The following NHS variants were observed in gnomAD, a reference collection of about 807,000 sequenced individuals.
NHS encodes NHS actin remodeling regulator.
A neutral mutation model predicts 72.5 loss-of-function variants in NHS; 5 were observed. The ratio of observed to expected loss-of-function variants is 0.07; its 90% CI spans 0.04 to 0.14. The LOEUF is 0.14. Ranked by LOEUF, NHS falls within the 10% of genes least tolerant of loss-of-function variation. The pLI is 1.00. For synonymous variants in NHS, 464 were observed against 547.7 expected (o/e 0.85, Z 2.13); for missense variants, 1,072 against 1,355.7 (o/e 0.79, Z 3.29).
intron 1 of NHS, among the ~76,000 whole-genome samples, chrX:17,383,872 A>G (rs923839029): frequency 8.9e-6 from 1 of 112,193 alleles, no homozygotes; most frequent in African/African-American, 3.2e-5. Context: ...TTCAGCAGTG[A>G]GAAGGGTAAC....
chrX:17,599,875 T>C (rs2065641039), intron 1 of NHS, among the ~76,000 whole-genome samples: 1 of 110,976 alleles, frequency 9.0e-6, no homozygotes, highest in Non-Finnish European at 1.9e-5. Context: ...GGGGCTCCTA[T>C]TTAAATGTCC....
chrX:17,550,003 T>C (rs2065323404), intron 1 of NHS, among the ~76,000 whole-genome samples: 1 of 111,762 alleles, frequency 8.9e-6, no homozygotes, highest in Admixed American at 9.5e-5. Context: ...ATGCAGGGCA[T>C]TTAAACTGCT....
intron 1 of NHS, among the ~76,000 whole-genome samples, chrX:17,670,999 C>G (rs1476553935): frequency 3.6e-5 from 4 of 111,681 alleles, no homozygotes; most frequent in African/African-American, 1.3e-4. Flanking sequence ...GAAGGGTGCC[C>G]GAAGGCCAGA....
intron 1 of NHS, among the ~76,000 whole-genome samples, chrX:17,565,088 G>A (rs1017262890): frequency 6.3e-5 from 7 of 110,401 alleles, no homozygotes; most frequent in Admixed American, 9.6e-5. Context: ...AGAATGTGGC[G>A]GAAGTGGTGG....
chrX:17,573,003 G>A (rs913208401), intron 1 of NHS, among the ~76,000 whole-genome samples: 2 of 111,731 alleles, frequency 1.8e-5, no homozygotes, highest in South Asian at 3.7e-4. Context: ...GTTGAATATC[G>A]GCCCCCACTC....
At chrX:17,657,089 C>T (rs1176816618) in intron 1 of NHS, among the ~76,000 whole-genome samples, 2 of 112,769 alleles carry the variant, frequency 1.8e-5, no homozygotes, top group Non-Finnish European at 3.8e-5. Context: ...CTCTCTGGCG[C>T]ACCTGTCCCC....
At chrX:17,609,485 G>C (rs1464319457) in intron 1 of NHS, among the ~76,000 whole-genome samples, 1 of 111,837 alleles carries the variant, frequency 8.9e-6, no homozygotes, top group African/African-American at 3.3e-5. Flanking sequence ...TGGTGGTTAG[G>C]GTAGGAAGTC....
At position 17,402,697 on chromosome X, in the gene NHS, G is replaced by A. The variant is rs771257276; in HGVS notation, c.565+26375G>A. ...GTATGGAGTTTCTTTTAGGGGTGATGAAAATATTCTAAAATTAGATAGTGA... is the reference window on the plus strand; with the variant it reads ...GTATGGAGTTTCTTTTAGGGGTGATAAAAATATTCTAAAATTAGATAGTGA... On this transcript the variant is annotated intron_variant, in intron 1 of 8. Transcript: ENST00000676302. Among the ~76,000 whole-genome samples the A allele has an allele frequency of 9.9e-5, 11 of 111,600 alleles. No homozygotes were observed. In the East Asian group the frequency reaches 3.1e-3, roughly 32 times the overall value.
intron 1 of NHS, among the ~76,000 whole-genome samples, chrX:17,615,183 A>ACGTATATATAC (rs34548387): frequency 1.1e-4 from 10 of 88,746 alleles, no homozygotes; most frequent in African/African-American, 4.1e-4. Context: ...GTATATATAT[A>ACGTATATATAC]GTATATATAC....
At chrX:17,574,558 C>T (rs897211608) in intron 1 of NHS, among the ~76,000 whole-genome samples, 4 of 111,877 alleles carry the variant, frequency 3.6e-5, no homozygotes, top group African/African-American at 9.8e-5. Context: ...ATGAGAAAAG[C>T]GCAGTATTTG....
At chrX:17,440,220 G>GT (rs949678955) in intron 1 of NHS, among the ~76,000 whole-genome samples, 2 of 94,049 alleles carry the variant, frequency 2.1e-5, no homozygotes, top group Non-Finnish European at 4.1e-5. Context: ...GATTGTGCCT[G>GT]TGTACTCCAG....
chrX:17,728,843 C>T, intron 8 of NHS, 68 bp downstream of exon 8: 3 of 1,162,397 alleles, frequency 2.6e-6, no homozygotes, highest in South Asian at 1.8e-5. Flanking sequence ...TCAGGTACTT[C>T]TCACAAATGC....
Position 17,567,587 on chromosome X carries a change from C to A in NHS, c.566-120155C>A, listed in dbSNP as rs373121132. On this transcript the variant is annotated intron_variant, in intron 1 of 8. Transcript: ENST00000676302. The stretch of plus-strand genomic sequence containing the variant: ...GATGGGTTTTGGGGCTTCCACCTCC[C>A]CTCCACGTATTGCCTATGCCCCTGA... Among the ~76,000 whole-genome samples, 4 of 111,532 alleles carry A rather than the reference C, an allele frequency of 3.6e-5. No homozygotes were observed. In the South Asian group the frequency reaches 1.1e-3, roughly 31 times the overall value.
At chrX:17,444,751 AC>A (rs903348710) in intron 1 of NHS, among the ~76,000 whole-genome samples, 6 of 111,342 alleles carry the variant, frequency 5.4e-5, no homozygotes, top group African/African-American at 2.0e-4. Context: ...TCCTGCCTTC[AC>A]CACATTTCCT....
chrX:17,732,174 T>A lies in NHS; in HGVS notation c.4666T>A (p.Ser1556Thr), dbSNP rs2071848. Residue 1556 changes from serine to threonine, a missense_variant, in exon 9 of 9, where the codon TCC becomes ACC. Physicochemically the swap from Ser to Thr is moderately conservative, Grantham distance 58 (BLOSUM62 1). Coordinates refer to ENST00000676302, the MANE Select transcript of NHS (RefSeq NM_001291867.2). Reference sequence around the variant, plus strand: ...ACCTCCTGGGGAGCTCACAGCAGAGTCCCCTCAGAGCACCGATGATGCCCA... The same window carrying A: ...ACCTCCTGGGGAGCTCACAGCAGAGACCCCTCAGAGCACCGATGATGCCCA... The part of the protein sequence containing the change: ...PKPPGELTAE[S>T]PQSTDDAHQG... 6.0e-4 allele frequency: 721 copies of A among 1,209,604 alleles called. 3 individuals are homozygous for A. The East Asian group carries it at 0.019, about 33-fold the overall frequency.
At chrX:17,408,699 A>T (rs2064541673) in intron 1 of NHS, among the ~76,000 whole-genome samples, 1 of 111,238 alleles carries the variant, frequency 9.0e-6, no homozygotes, top group African/African-American at 3.3e-5. Context: ...GTAATTACCA[A>T]CTCATGTCAT....
chrX:17,441,605 G>A (rs2064754356), intron 1 of NHS, among the ~76,000 whole-genome samples: 1 of 111,641 alleles, frequency 9.0e-6, no homozygotes, highest in Non-Finnish European at 1.9e-5. Context: ...TGTATCATGG[G>A]TAATGCCCCT....
At chrX:17,680,589 T>G (rs1331745239) in intron 1 of NHS, among the ~76,000 whole-genome samples, 1 of 113,021 alleles carries the variant, frequency 8.8e-6, no homozygotes, top group Non-Finnish European at 1.9e-5. Context: ...TATTTTCCAG[T>G]CTGCTCTATT....
At chrX:17,526,290 G>A (rs560675979) in intron 1 of NHS, among the ~76,000 whole-genome samples, 36 of 112,529 alleles carry the variant, frequency 3.2e-4, no homozygotes, top group African/African-American at 1.0e-3. Context: ...CTGGGCTAGC[G>A]CATGTGTCCA....
Sources: allele counts gnomAD v4.1 joint callset (sites outside exome capture counted in the v4.1 genomes callset), GRCh38; gene constraint gnomAD v4.1.1; transcripts MANE v1.5; gene names NCBI Gene and HGNC (gene_info 2026-07-23, HGNC 2026-07-21).